Variants in ROR2 observed in about 807,000 individuals in gnomAD.
ROR2 encodes ROR family WNT receptor 2, also known as tyrosine-protein kinase transmembrane receptor ROR2.
Under a neutral mutation model 74.9 loss-of-function variants are expected in ROR2, and 33 were observed. The ratio of observed to expected loss-of-function variants is 0.44; its 90% CI spans 0.33 to 0.59. ROR2 has a LOEUF of 0.59. Among genes scored for constraint, ROR2 ranks in the 20% least tolerant of loss-of-function variants. ROR2 has a pLI of 0.02. For synonymous variants in ROR2, 586 were observed against 558.7 expected (o/e 1.05, Z -0.69); for missense variants, 1,216 against 1,313.8 (o/e 0.93, Z 1.15).
chr9:91,853,842 A>G (rs1252824319), intron 1 of ROR2, among the ~76,000 whole-genome samples: 1 of 152,222 alleles, frequency 6.6e-6, no homozygotes, highest in Non-Finnish European at 1.5e-5. Flanking sequence ...AATGGCAGAG[A>G]GACATGAAAT....
chr9:91,725,214 G>GA (rs1204308019), intron 8 of ROR2, 107 bp from the exon 9 acceptor site: 7 of 1,585,278 alleles, frequency 4.4e-6, no homozygotes, highest in Non-Finnish European at 4.3e-6. Context: ...ACGACTAGGG[G>GA]GGCCTTGCAG....
At chr9:91,902,040 C>T (rs1453924743) in intron 1 of ROR2, among the ~76,000 whole-genome samples, 2 of 152,080 alleles carry the variant, frequency 1.3e-5, no homozygotes, top group African/African-American at 2.4e-5. Context: ...ATTTAATCCA[C>T]ACAACGGTTA....
intron 1 of ROR2, among the ~76,000 whole-genome samples, chr9:91,824,689 C>G (rs530850388): frequency 1.3e-5 from 2 of 152,344 alleles, no homozygotes; most frequent in Non-Finnish European, 2.9e-5. Flanking sequence ...CAGCTGTCCT[C>G]TGGCCCTGGT....
At chr9:91,811,600 G>GAAGCCACCCAACTA (rs770729235) in intron 1 of ROR2, among the ~76,000 whole-genome samples, 34 of 152,162 alleles carry the variant, frequency 2.2e-4, no homozygotes, top group Non-Finnish European at 4.6e-4. Flanking sequence ...CAACCACACG[G>GAAGCCACCCAACTA]AAGCCACCCA....
chr9:91,748,500 G>GA (rs1182651770), intron 4 of ROR2, among the ~76,000 whole-genome samples: 1 of 151,810 alleles, frequency 6.6e-6, no homozygotes, highest in African/African-American at 2.4e-5. Context: ...TTCCCCCATG[G>GA]AAAAAAAATC....
At chr9:91,928,762 G>A (rs1377658651) in intron 1 of ROR2, among the ~76,000 whole-genome samples, 1 of 152,210 alleles carries the variant, frequency 6.6e-6, no homozygotes, top group Admixed American at 6.5e-5. Flanking sequence ...CACATGCTGA[G>A]GAGTGCTTCT....
chr9:91,733,087 C>T lies in ROR2; in HGVS notation c.937+35G>A, dbSNP rs1426629877. On this transcript the variant is annotated intron_variant, in intron 6 of 8. Transcript: ENST00000375708. The surrounding 1 kb of genome is among the most constrained non-coding windows in gnomAD (Gnocchi z 5.7). ...TTTCAAGGGCCCTACACTCCCTGCG[C>T]CCCCCGGTCCCGCCCCGGGCCCTCG... The T allele has an allele frequency of 5.2e-6, 8 of 1,544,616 alleles. No homozygotes were observed. The highest frequency in any genetic ancestry group is 1.4e-5 in the African/African-American group (1 of 73,556).
At chr9:91,934,027 A>G (rs1831618309) in intron 1 of ROR2, among the ~76,000 whole-genome samples, 1 of 152,230 alleles carries the variant, frequency 6.6e-6, no homozygotes, top group Non-Finnish European at 1.5e-5. Flanking sequence ...AAAAATAAAT[A>G]AAGGAGAAGC....
chr9:91,784,677 A>G (rs548639908), intron 1 of ROR2, among the ~76,000 whole-genome samples: 22 of 152,358 alleles, frequency 1.4e-4, no homozygotes, highest in African/African-American at 4.3e-4. Flanking sequence ...CGTAAATTAC[A>G]TTTACAAAGT....
chr9:91,931,329 A>C (rs1419854148), intron 1 of ROR2, among the ~76,000 whole-genome samples: 1 of 152,228 alleles, frequency 6.6e-6, no homozygotes, highest in Non-Finnish European at 1.5e-5. Context: ...TAGAAGTAAA[A>C]GGGACACTTT....
intron 1 of ROR2, among the ~76,000 whole-genome samples, chr9:91,915,807 C>T (rs779627263): frequency 4.6e-5 from 7 of 152,188 alleles, no homozygotes; most frequent in East Asian, 1.9e-4. Context: ...TCTAGCTAGA[C>T]GCAGAGCGCT....
chr9:91,743,522 G>A (rs1305452500), intron 4 of ROR2, among the ~76,000 whole-genome samples: 1 of 152,016 alleles, frequency 6.6e-6, no homozygotes, highest in East Asian at 1.9e-4. Flanking sequence ...CATGAGCCAA[G>A]ATCATGCCAT....
intron 1 of ROR2, among the ~76,000 whole-genome samples, chr9:91,909,179 G>T (rs1026050140): frequency 3.9e-5 from 6 of 152,204 alleles, no homozygotes; most frequent in African/African-American, 1.2e-4. Context: ...GGATCTCATA[G>T]CATGGGTGCA....
At chr9:91,819,429 C>T (rs908259235) in intron 1 of ROR2, among the ~76,000 whole-genome samples, 2 of 151,922 alleles carry the variant, frequency 1.3e-5, no homozygotes, top group Admixed American at 1.3e-4. Flanking sequence ...GTCTGTTAGT[C>T]TCTGTGTGTG....
intron 1 of ROR2, among the ~76,000 whole-genome samples, chr9:91,833,946 C>T (rs1381786655): frequency 6.6e-6 from 1 of 152,164 alleles, no homozygotes. Context: ...GTTCTCTCCC[C>T]CAGCCTCAAG....
chr9:91,893,759 A>G (rs1466309532), intron 1 of ROR2, among the ~76,000 whole-genome samples: 3 of 151,888 alleles, frequency 2.0e-5, no homozygotes, highest in Non-Finnish European at 4.4e-5. Flanking sequence ...AATACTCCAT[A>G]CCACCCATCC....
chr9:91,783,889 G>C (rs547358765), intron 1 of ROR2, among the ~76,000 whole-genome samples: 1 of 151,938 alleles, frequency 6.6e-6, no homozygotes, highest in African/African-American at 2.4e-5. Flanking sequence ...GCCTCCACCC[G>C]CTTGTAAGTC....
chr9:91,826,637 A>G lies in ROR2; in HGVS notation c.98-50819T>C, dbSNP rs567660927. On this transcript the variant is annotated intron_variant, in intron 1 of 8. Coordinates refer to ENST00000375708, the MANE Select transcript of ROR2 (RefSeq NM_004560.4). ...TCTACTAAAAATACAAAAAGAAATT[A>G]GCCGGGCGTGGTGGTGGGAGCCTGT... Among the ~76,000 whole-genome samples the G allele has an allele frequency of 9.2e-5, 14 of 152,108 alleles. No individual in the cohort carries two copies. The East Asian group carries it at 2.7e-3, about 29-fold the overall frequency.
At chr9:91,847,396 G>A (rs1587777587) in intron 1 of ROR2, among the ~76,000 whole-genome samples, 1 of 152,076 alleles carries the variant, frequency 6.6e-6, no homozygotes, top group Admixed American at 6.6e-5. Context: ...CAGGTCCCTC[G>A]ACGCCCCCTT....
Sources: gnomAD v4.1 joint callset for allele counts (sites outside exome capture counted in the v4.1 genomes callset) on GRCh38, gnomAD v4.1.1 for gene constraint, Gnocchi (gnomAD v3.1) non-coding constraint, MANE v1.5 for transcripts, NCBI Gene and HGNC (gene_info 2026-07-23, HGNC 2026-07-21) for gene names.